SLIT3: variants seen among roughly 807,000 people sequenced by gnomAD.
SLIT3 encodes the protein slit homolog 3 protein.
A neutral mutation model predicts 184.0 loss-of-function variants in SLIT3; 68 were observed. The observed-to-expected ratio is 0.37, with a 90% CI of 0.30 to 0.45. The LOEUF (loss-of-function observed/expected upper bound fraction) is 0.45, where lower values mean the gene tolerates loss of function less well. SLIT3 is among the 20% of genes least tolerant of loss of function. The pLI is 1.00. For synonymous variants in SLIT3, 831 were observed against 828.6 expected (o/e 1.00, Z -0.05); for missense variants, 1,707 against 2,026.0 (o/e 0.84, Z 3.02).
intron 6 of SLIT3, among the ~76,000 whole-genome samples, chr5:168,838,360 G>T (rs1758123396): frequency 2.0e-5 from 3 of 152,070 alleles, no homozygotes; most frequent in Non-Finnish European, 2.9e-5. Context: ...TAATTGAGAT[G>T]CCTCATTCTA....
chr5:169,291,159 C>T (rs534912386), intron 1 of SLIT3, among the ~76,000 whole-genome samples: 1 of 152,252 alleles, frequency 6.6e-6, no homozygotes, highest in African/African-American at 2.4e-5. Context: ...CAGGATACAT[C>T]TTATGTACAT....
At chr5:168,679,118 G>A (rs1761502379) in intron 32 of SLIT3, among the ~76,000 whole-genome samples, 1 of 152,186 alleles carries the variant, frequency 6.6e-6, no homozygotes, top group Non-Finnish European at 1.5e-5. Flanking sequence ...CAGTGCGGTG[G>A]TGCAATCACA....
rs548953414 is a variant in SLIT3, at chr5:168,705,744, G to A, written c.2844+2232C>T. ...ATACTCTCTTTGCTCTGACACTGAC[G>A]GTCAGGTCATGCTTCATAGTACAGT... On this transcript the variant is annotated intron_variant, in intron 26 of 35. Transcript: ENST00000519560. Among the ~76,000 whole-genome samples, 12 of 152,312 alleles carry A rather than the reference G, an allele frequency of 7.9e-5. No homozygotes were observed. The South Asian group carries it at 2.1e-3, about 26-fold the overall frequency.
At chr5:168,821,323 A>C (rs756228139) in intron 7 of SLIT3, among the ~76,000 whole-genome samples, 8 of 152,204 alleles carry the variant, frequency 5.3e-5, no homozygotes, top group Non-Finnish European at 1.2e-4. Context: ...GGGAAGGATA[A>C]ATCACAGGAA....
intron 4 of SLIT3, among the ~76,000 whole-genome samples, chr5:169,122,629 T>C (rs948732624): frequency 6.6e-6 from 1 of 152,178 alleles, no homozygotes; most frequent in African/African-American, 2.4e-5. Flanking sequence ...CCCCAGAGCA[T>C]AGCCACATGG....
chr5:168,714,106 T>G (rs1392118532), intron 23 of SLIT3, among the ~76,000 whole-genome samples: 1 of 152,206 alleles, frequency 6.6e-6, no homozygotes, highest in Non-Finnish European at 1.5e-5. Context: ...AGCAGGAAGA[T>G]GGCAAACAGC....
intron 4 of SLIT3, among the ~76,000 whole-genome samples, chr5:168,983,729 T>C (rs1045520025): frequency 1.3e-5 from 2 of 152,228 alleles, no homozygotes; most frequent in African/African-American, 4.8e-5. Context: ...GTTATAATTA[T>C]GTACTTATTT....
At chr5:168,698,316 T>C (rs1170502764) in intron 27 of SLIT3, among the ~76,000 whole-genome samples, 3 of 152,216 alleles carry the variant, frequency 2.0e-5, no homozygotes, top group African/African-American at 7.2e-5. Context: ...ATTAGTTAAG[T>C]TGAGGTCCTA....
intron 4 of SLIT3, among the ~76,000 whole-genome samples, chr5:169,010,117 G>A (rs1307800226): frequency 1.3e-5 from 2 of 152,144 alleles, no homozygotes; most frequent in East Asian, 3.9e-4. Flanking sequence ...TTTGCAAAGG[G>A]GACCTAGTGT....
intron 4 of SLIT3, among the ~76,000 whole-genome samples, chr5:168,973,985 A>G (rs1035337318): frequency 2.0e-5 from 3 of 152,220 alleles, no homozygotes; most frequent in Non-Finnish European, 4.4e-5. Flanking sequence ...ACGGGTAACT[A>G]GAAAACCATA....
chr5:168,895,951 A>T (rs554813789), intron 4 of SLIT3, among the ~76,000 whole-genome samples: 1 of 152,322 alleles, frequency 6.6e-6, no homozygotes, highest in South Asian at 2.1e-4. Flanking sequence ...ATTAGTGACA[A>T]ATGTGAGACT....
intron 4 of SLIT3, among the ~76,000 whole-genome samples, chr5:169,069,255 C>T (rs774385159): frequency 1.3e-5 from 2 of 152,208 alleles, no homozygotes; most frequent in Admixed American, 6.5e-5. Flanking sequence ...CTCCAGAGAC[C>T]GTCCATTGCT....
At chr5:169,117,919 A>C (rs1760743460) in intron 4 of SLIT3, among the ~76,000 whole-genome samples, 1 of 152,218 alleles carries the variant, frequency 6.6e-6, no homozygotes, top group Non-Finnish European at 1.5e-5. Flanking sequence ...TAGCATAACT[A>C]AGAAAAGACG....
At chr5:168,935,027 A>G (rs1762107995) in intron 4 of SLIT3, among the ~76,000 whole-genome samples, 1 of 150,216 alleles carries the variant, frequency 6.7e-6, no homozygotes, top group South Asian at 2.1e-4. Flanking sequence ...AATCCCAGCT[A>G]CTTGGGAGGC....
chr5:168,926,896 A>T (rs1761844198), intron 4 of SLIT3, among the ~76,000 whole-genome samples: 1 of 152,174 alleles, frequency 6.6e-6, no homozygotes, highest in African/African-American at 2.4e-5. Flanking sequence ...GGATGCAGAG[A>T]AATTAAAATC....
intron 4 of SLIT3, among the ~76,000 whole-genome samples, chr5:169,164,021 G>A (rs1762557435): frequency 6.6e-6 from 1 of 152,160 alleles, no homozygotes; most frequent in Non-Finnish European, 1.5e-5. Flanking sequence ...CTCCCAGTGA[G>A]CTATGACAGA....
At chr5:168,723,069 A>G (rs1762994740) in intron 21 of SLIT3, 65 bp from the exon 22 acceptor site, 4 of 1,147,454 alleles carry the variant, frequency 3.5e-6, no homozygotes, top group Non-Finnish European at 5.3e-6. Context: ...GGCCATTCCC[A>G]AGTATCACAC....
intron 15 of SLIT3, among the ~76,000 whole-genome samples, chr5:168,761,840 G>T (rs980452636): frequency 5.3e-5 from 8 of 151,586 alleles, no homozygotes; most frequent in Non-Finnish European, 7.4e-5. Flanking sequence ...CTAGACTCAT[G>T]TGATTCTCCT....
chr5:169,034,971 G>A (rs1000262536), intron 4 of SLIT3, among the ~76,000 whole-genome samples: 1 of 149,582 alleles, frequency 6.7e-6, no homozygotes, highest in Admixed American at 6.7e-5. Flanking sequence ...TGGTAGAGAC[G>A]GGGTTTTGTC....
Sources: gnomAD v4.1 joint callset for allele counts (sites outside exome capture counted in the v4.1 genomes callset) on GRCh38, gnomAD v4.1.1 for gene constraint, MANE v1.5 for transcripts, NCBI Gene and HGNC (gene_info 2026-07-23, HGNC 2026-07-21) for gene names.